Variants in HIPK2 observed in about 807,000 individuals in gnomAD.
The protein encoded by HIPK2 is homeodomain interacting protein kinase 2, also known as homeodomain-interacting protein kinase 2.
Under a neutral mutation model 113.7 loss-of-function variants are expected in HIPK2, and 27 were observed. That is an observed-to-expected ratio of 0.24 (90% CI 0.17 to 0.33). The LOEUF is 0.33. Ranked by LOEUF, HIPK2 falls within the 10% of genes least tolerant of loss-of-function variation. The pLI, the probability that HIPK2 is intolerant of heterozygous loss-of-function variation, is 1.00. For missense variants in HIPK2, 1,257 were observed against 1,588.0 expected, an observed-to-expected ratio of 0.79 and a Z score of 3.54; for synonymous variants, 631 against 642.2, an observed-to-expected ratio of 0.98 and a Z score of 0.26.
chr7:139,584,698 T>TGG (rs1220537240), intron 12 of HIPK2, among the ~76,000 whole-genome samples: 4 of 151,686 alleles, frequency 2.6e-5, no homozygotes, highest in Non-Finnish European at 5.9e-5. Flanking sequence ...GTGTGCTCTG[T>TGG]GGGCTGTGTG....
At chr7:139,766,299 T>C (rs879553534) in intron 1 of HIPK2, among the ~76,000 whole-genome samples, 3 of 152,262 alleles carry the variant, frequency 2.0e-5, no homozygotes, top group Non-Finnish European at 4.4e-5. Context: ...TTAGCTGTTA[T>C]GATCATCTTC....
chr7:139,612,802 G>A (rs1799883648), intron 9 of HIPK2, among the ~76,000 whole-genome samples: 1 of 152,092 alleles, frequency 6.6e-6, no homozygotes, highest in African/African-American at 2.4e-5. Flanking sequence ...AAAATGAGAG[G>A]ATAATCACCA....
At chr7:139,721,071 C>T (rs1795393309) in intron 1 of HIPK2, among the ~76,000 whole-genome samples, 1 of 152,194 alleles carries the variant, frequency 6.6e-6, no homozygotes, top group Admixed American at 6.5e-5. Flanking sequence ...TGCACCACAG[C>T]CGGCTGCCTC....
intron 2 of HIPK2, among the ~76,000 whole-genome samples, chr7:139,649,264 G>A (rs1242251071): frequency 1.3e-5 from 2 of 152,172 alleles, no homozygotes; most frequent in South Asian, 2.1e-4. Flanking sequence ...GGCTGCGGGG[G>A]GCGGGCCGAT....
chr7:139,738,731 G>T (rs1298341034), intron 1 of HIPK2, among the ~76,000 whole-genome samples: 3 of 152,130 alleles, frequency 2.0e-5, no homozygotes, highest in African/African-American at 7.2e-5. Flanking sequence ...GGGTATAGGG[G>T]TAGTCTTTGT....
intron 2 of HIPK2, among the ~76,000 whole-genome samples, chr7:139,677,847 G>GTTTCTTTTC (rs1240035769): frequency 6.6e-6 from 1 of 152,226 alleles, no homozygotes; most frequent in African/African-American, 2.4e-5. Context: ...CAGTGTGAAA[G>GTTTCTTTTC]TGTTCCTATT....
At chr7:139,693,318 C>A (rs756826772) in intron 2 of HIPK2, among the ~76,000 whole-genome samples, 4 of 152,182 alleles carry the variant, frequency 2.6e-5, no homozygotes, top group African/African-American at 4.8e-5. Flanking sequence ...ATACAAGGAG[C>A]CTTTTAACTG....
intron 9 of HIPK2, among the ~76,000 whole-genome samples, chr7:139,605,950 T>C (rs1569452276): frequency 1.3e-5 from 2 of 152,232 alleles, no homozygotes; most frequent in South Asian, 2.1e-4. Context: ...ACTTAGCCAA[T>C]TGGAACTCAT....
intron 13 of HIPK2, among the ~76,000 whole-genome samples, chr7:139,577,140 C>CTTTTTTTT (rs966966045): frequency 9.8e-5 from 9 of 91,458 alleles, no homozygotes; most frequent in African/African-American, 2.1e-4. Flanking sequence ...ACTGGGCTTC[C>CTTTTTTTT]TTTTTTTTTT....
At chr7:139,600,729 G>T in intron 10 of HIPK2, 133 bp from the exon 11 acceptor site, 1 of 975,150 alleles carries the variant, frequency 1.0e-6, no homozygotes, top group Non-Finnish European at 1.5e-6. Flanking sequence ...GCTGCTGAAG[G>T]GATGAGCCTG....
At chr7:139,737,138 C>A (rs1449326938) in intron 1 of HIPK2, among the ~76,000 whole-genome samples, 1 of 152,204 alleles carries the variant, frequency 6.6e-6, no homozygotes, top group Non-Finnish European at 1.5e-5. Flanking sequence ...TCCATCCTGG[C>A]TCAAACTACA....
chr7:139,573,144 G>C lies in HIPK2; in HGVS notation c.3380C>G (p.Ala1127Gly), dbSNP rs1449763097. The change falls in exon 15 of 15, where the codon GCG becomes GGG. Residue 1127 changes from alanine to glycine, a missense_variant. Physicochemically the swap from Ala to Gly is moderately conservative, Grantham distance 60. Coordinates refer to ENST00000406875, the MANE Select transcript of HIPK2 (RefSeq NM_022740.5). Reference sequence around the variant, plus strand: ...GGCAGTGTGCTGCACGGTGTGGCGCGCAGAGCCTTGCGAGGCCACCAGGTG... The same window carrying C: ...GGCAGTGTGCTGCACGGTGTGGCGCCCAGAGCCTTGCGAGGCCACCAGGTG... ...VAHLVASQGSARHTVQHTAYP... is the reference protein window; with the variant it reads ...VAHLVASQGSGRHTVQHTAYP... 1 of 1,610,904 alleles carries C rather than the reference G, an allele frequency of 6.2e-7. No individual in the cohort carries two copies. The highest frequency in any genetic ancestry group is 1.3e-5 in the African/African-American group (1 of 74,890).
intron 13 of HIPK2, among the ~76,000 whole-genome samples, chr7:139,581,793 C>G (rs904922485): frequency 6.6e-6 from 1 of 152,200 alleles, no homozygotes; most frequent in Non-Finnish European, 1.5e-5. Context: ...GAAGGGCAGG[C>G]ACCAGACGAG....
At chr7:139,775,180 C>G (rs1404345624) in intron 1 of HIPK2, among the ~76,000 whole-genome samples, 1 of 152,222 alleles carries the variant, frequency 6.6e-6, no homozygotes, top group African/African-American at 2.4e-5. Context: ...TTATAGAAAT[C>G]TACAGGAAAA....
chr7:139,665,600 AT>A lies in HIPK2; in HGVS notation c.1104-33876del, dbSNP rs1197506489. On this transcript the variant is annotated intron_variant, in intron 2 of 14. Coordinates refer to ENST00000406875, the MANE Select transcript of HIPK2 (RefSeq NM_022740.5). The stretch of plus-strand genomic sequence containing the variant: ...CATCCATCCATCCATCCATCCATCC[AT>A]CCATCCACCCATGGTGCTTAGTCAC... 6.6e-5 allele frequency among the ~76,000 whole-genome samples: 10 copies of A among 151,934 alleles called. 1 individual carries two copies. Among genetic ancestry groups the A allele is most frequent in the East Asian group, 5.8e-4 (3 of 5,156 alleles).
Position 139,631,082 on chromosome 7 carries a change from CA to C in HIPK2, c.1347+82del. 1 of 1,501,006 alleles carries C rather than the reference CA, an allele frequency of 6.7e-7. No homozygotes were observed. The highest frequency in any genetic ancestry group is 8.9e-7 in the Non-Finnish European group (1 of 1,122,096). The allele number at this position is 1,501,006 out of a possible 1,614,324, so 93.0% of individuals were successfully genotyped here. On this transcript the variant is annotated intron_variant, in intron 4 of 14. Transcript: ENST00000406875. This position sits in a 1 kb window ranked among gnomAD's most constrained non-coding sequence, Gnocchi z 4.9. ...AGTGCCCTCATTTTGCTGACTGAAT[CA>C]AAAGCTCCCCACTAATGGGTCTACG...
At chr7:139,713,645 C>T (rs1385319007) in intron 2 of HIPK2, among the ~76,000 whole-genome samples, 2 of 152,234 alleles carry the variant, frequency 1.3e-5, no homozygotes, top group Non-Finnish European at 2.9e-5. Flanking sequence ...AACACTGGTA[C>T]GTGTTCATGA....
chr7:139,641,655 G>A (rs184385309), intron 2 of HIPK2, among the ~76,000 whole-genome samples: 260 of 152,202 alleles, frequency 1.7e-3, no homozygotes, highest in African/African-American at 5.9e-3. Flanking sequence ...CCGGTGGGCA[G>A]AGTCAACCTG....
At chr7:139,587,185 A>G (rs1569446278) in intron 12 of HIPK2, among the ~76,000 whole-genome samples, 4 of 152,258 alleles carry the variant, frequency 2.6e-5, no homozygotes, top group East Asian at 1.9e-4. Context: ...CATGAATTCT[A>G]TCTCCATCAA....
Sources: allele counts gnomAD v4.1 joint callset (sites outside exome capture counted in the v4.1 genomes callset), GRCh38; gene constraint gnomAD v4.1.1; non-coding constraint Gnocchi (gnomAD v3.1); transcripts MANE v1.5; gene names NCBI Gene and HGNC (gene_info 2026-07-23, HGNC 2026-07-21).